The following RELN variants were observed in gnomAD, a reference collection of about 807,000 sequenced individuals.
The protein encoded by RELN is reelin.
A neutral mutation model predicts 427.6 loss-of-function variants in RELN; 108 were observed. That is an observed-to-expected ratio of 0.25 (90% CI 0.22 to 0.30). RELN has a LOEUF of 0.30. Ranked by LOEUF, RELN falls within the 10% of genes least tolerant of loss-of-function variation. RELN has a pLI of 1.00. For synonymous variants in RELN, 1,524 were observed against 1,513.4 expected (o/e 1.01, Z -0.16); for missense variants, 3,715 against 4,302.8 (o/e 0.86, Z 3.82).
chr7:103,586,670 A>G (rs992921662), intron 28 of RELN, among the ~76,000 whole-genome samples: 5 of 152,228 alleles, frequency 3.3e-5, no homozygotes, highest in African/African-American at 1.2e-4. Context: ...TAGACTTGAA[A>G]AATGACTTCA....
chr7:103,703,228 G>C (rs1306386153), intron 8 of RELN, among the ~76,000 whole-genome samples: 1 of 152,102 alleles, frequency 6.6e-6, no homozygotes. Context: ...ACTCCCACCA[G>C]ATTACCCTTC....
rs2116670576 is a variant in RELN at position 103,917,133 on chromosome 7, G to A, written c.279C>T (p.Tyr93=). 6.2e-7 allele frequency: 1 copy of A among 1,613,468 alleles called. No individual in the cohort carries two copies. Among genetic ancestry groups the A allele is most frequent in the Non-Finnish European group, 8.5e-7 (1 of 1,179,706 alleles). Residue 93 remains tyrosine (Y), a synonymous_variant, in exon 2 of 65, where the codon TAC becomes TAT. Transcript: ENST00000428762. ...FFDGLLVTGL[Y]TSTSVQASQS... ...GTGATGCCTGAACACTTGTAGATGT[G>A]TATAGTCCTGTCACCAGCAAGCCGT... is the stretch of plus-strand genomic sequence containing the variant.
intron 3 of RELN, among the ~76,000 whole-genome samples, chr7:103,825,252 A>C (rs1793107091): frequency 2.0e-5 from 3 of 152,082 alleles, no homozygotes; most frequent in African/African-American, 7.2e-5. Flanking sequence ...AAGATCAGCA[A>C]GGGGAAAGCA....
chr7:103,883,570 G>A (rs1794655158), intron 2 of RELN, among the ~76,000 whole-genome samples: 2 of 152,196 alleles, frequency 1.3e-5, no homozygotes, highest in African/African-American at 4.8e-5. Flanking sequence ...AAGCTGATAA[G>A]TAACTTCAGC....
At position 103,599,076 on chromosome 7, in the gene RELN, C is replaced by T. The variant is rs192649851; in HGVS notation, c.3334-2415G>A. ...ATAAAACAAGTTTTAACAGGTAAGG[C>T]TTTCAGAATCTAGAACGTTTATAAC... On this transcript the variant is annotated intron_variant, in intron 24 of 64. Coordinates refer to ENST00000428762, the MANE Select transcript of RELN (RefSeq NM_005045.4). Among the ~76,000 whole-genome samples the T allele has an allele frequency of 4.3e-3, 651 of 152,282 alleles. 2 individuals are homozygous for T. The highest frequency in any genetic ancestry group is 7.6e-3 in the Non-Finnish European group (514 of 68,020).
In RELN at chr7:103,594,354, C is replaced by A; in HGVS notation, c.3678G>T (p.Gln1226His). The change falls in exon 26 of 65, where the codon CAG becomes CAT. Residue 1226 changes from glutamine (Q) to histidine (H), a missense_variant. Gln to His is a conservative substitution (Grantham distance 24). Transcript: ENST00000428762. Reference sequence around the variant, plus strand: ...AAGTTGGATTGATAACTGGGATGATCTGCTTCTGCTTCTCGGACAGAATGA... The same window carrying A: ...AAGTTGGATTGATAACTGGGATGATATGCTTCTGCTTCTCGGACAGAATGA... ...DIIILSEKQK[Q>H]IIPVINPTLP... 6.2e-7 allele frequency: 1 copy of A among 1,614,000 alleles called. No homozygotes were observed. Among genetic ancestry groups the A allele is most frequent in the Non-Finnish European group, 8.5e-7 (1 of 1,179,904 alleles).
At chr7:103,699,046 A>G (rs1485362189) in intron 9 of RELN, among the ~76,000 whole-genome samples, 1 of 152,194 alleles carries the variant, frequency 6.6e-6, no homozygotes, top group Admixed American at 6.5e-5. Context: ...ATGATTTTTT[A>G]TATTACCTCT....
At chr7:103,519,629 C>G in intron 48 of RELN, 113 bp from the exon 49 acceptor site, 1 of 773,498 alleles carries the variant, frequency 1.3e-6, no homozygotes, top group South Asian at 1.6e-5. Context: ...GTCACCTAGG[C>G]TGGAGTGCAG....
At chr7:103,955,511 T>C (rs1796415181) in intron 1 of RELN, among the ~76,000 whole-genome samples, 1 of 152,222 alleles carries the variant, frequency 6.6e-6, no homozygotes, top group African/African-American at 2.4e-5. Context: ...CAGTGTGTAT[T>C]TTCAATACCA....
chr7:103,516,551 G>A (rs1405964395), intron 49 of RELN, among the ~76,000 whole-genome samples: 1 of 152,040 alleles, frequency 6.6e-6, no homozygotes, highest in Non-Finnish European at 1.5e-5. Context: ...GCCTCCCAAA[G>A]TGCTGGGATT....
intron 28 of RELN, among the ~76,000 whole-genome samples, chr7:103,582,739 T>C (rs779314714): frequency 3.3e-5 from 5 of 152,148 alleles, no homozygotes; most frequent in Non-Finnish European, 7.3e-5. Flanking sequence ...AGGTGAAAGA[T>C]GCCACAAACA....
intron 48 of RELN, among the ~76,000 whole-genome samples, chr7:103,520,495 T>C (rs891477653): frequency 1.3e-5 from 2 of 151,966 alleles, no homozygotes; most frequent in Non-Finnish European, 2.9e-5. Context: ...AGGCTGGTCT[T>C]GAACTCCTGA....
At chr7:103,686,434 T>C (rs1456796975) in intron 10 of RELN, among the ~76,000 whole-genome samples, 4 of 152,168 alleles carry the variant, frequency 2.6e-5, no homozygotes, top group Admixed American at 2.6e-4. Context: ...GACTGTAATA[T>C]TTTAAGTGAT....
At chr7:103,691,537 G>A (rs1194256506) in intron 10 of RELN, among the ~76,000 whole-genome samples, 1 of 152,146 alleles carries the variant, frequency 6.6e-6, no homozygotes, top group Non-Finnish European at 1.5e-5. Flanking sequence ...CGTAGGCCAG[G>A]AGCAGTGGCT....
intron 45 of RELN, among the ~76,000 whole-genome samples, chr7:103,535,764 G>A (rs185064791): frequency 6.6e-6 from 1 of 152,152 alleles, no homozygotes; most frequent in South Asian, 2.1e-4. Flanking sequence ...ATAATGAGAA[G>A]CTTTTGGAAC....
chr7:103,484,174 C>A, intron 61 of RELN: 1 of 326,870 alleles, frequency 3.1e-6, no homozygotes, highest in Non-Finnish European at 5.8e-6. Context: ...GCCACTGTGC[C>A]CGGCTGGGAA....
At chr7:103,656,019 G>A (rs1833015427) in intron 12 of RELN, among the ~76,000 whole-genome samples, 1 of 151,938 alleles carries the variant, frequency 6.6e-6, no homozygotes, top group African/African-American at 2.4e-5. Context: ...GTCAGCTCTG[G>A]AGTAATTAAG....
chr7:103,580,836 G>A (rs1391162043), intron 28 of RELN, among the ~76,000 whole-genome samples: 1 of 152,124 alleles, frequency 6.6e-6, no homozygotes, highest in East Asian at 1.9e-4. Context: ...AATCAAACAA[G>A]ATTTGTATTC....
At chr7:103,795,485 A>G (rs927119891) in intron 3 of RELN, among the ~76,000 whole-genome samples, 1 of 152,246 alleles carries the variant, frequency 6.6e-6, no homozygotes, top group South Asian at 2.1e-4. Context: ...CCAAAACTGT[A>G]ACAAAAAAGC....
Sources: allele counts gnomAD v4.1 joint callset (sites outside exome capture counted in the v4.1 genomes callset), GRCh38; gene constraint gnomAD v4.1.1; transcripts MANE v1.5; gene names NCBI Gene and HGNC (gene_info 2026-07-23, HGNC 2026-07-21).